The following FNDC3B variants were observed in gnomAD, a reference collection of about 807,000 sequenced individuals.
FNDC3B encodes the protein fibronectin type III domain containing 3B, also known as fibronectin type III domain-containing protein 3B.
In FNDC3B, 12 loss-of-function variants were observed where a neutral mutation model predicts 151.5. The ratio of observed to expected loss-of-function variants is 0.08; its 90% confidence interval spans 0.05 to 0.13. The LOEUF (loss-of-function observed/expected upper bound fraction) is 0.13, where lower values mean the gene tolerates loss of function less well. Among genes scored for constraint, FNDC3B ranks in the 10% least tolerant of loss-of-function variants. The pLI is 1.00. For synonymous variants in FNDC3B, 528 were observed against 549.0 expected (o/e 0.96, Z 0.54); for missense variants, 1,214 against 1,505.3 (o/e 0.81, Z 3.20).
chr3:172,261,234 C>G (rs558689338), intron 6 of FNDC3B, among the ~76,000 whole-genome samples: 2 of 152,264 alleles, frequency 1.3e-5, no homozygotes, highest in African/African-American at 4.8e-5. Flanking sequence ...AGGCTGACTA[C>G]CAGGTATGTC....
At chr3:172,105,384 AT>A (rs1719591683) in intron 1 of FNDC3B, among the ~76,000 whole-genome samples, 1 of 152,178 alleles carries the variant, frequency 6.6e-6, no homozygotes, top group Non-Finnish European at 1.5e-5. Context: ...ATTGGAAGCC[AT>A]TTAGAAACTA....
chr3:172,345,624 A>T (rs1436862478), intron 19 of FNDC3B, among the ~76,000 whole-genome samples: 6 of 151,992 alleles, frequency 3.9e-5, no homozygotes, highest in African/African-American at 1.5e-4. Flanking sequence ...TTTGACAAGG[A>T]CAGTCATATA....
In FNDC3B at chr3:172,096,817, G is replaced by A. The variant is rs188787412; in HGVS notation, c.-28-15635G>A. 1.5e-3 allele frequency among the ~76,000 whole-genome samples: 223 copies of A among 152,092 alleles called. 1 individual carries two copies. The highest frequency in any genetic ancestry group is 5.2e-3 in the African/African-American group (215 of 41,464). ...TTTCTAGAGTGAACATGTATTATACGCTATAACGCATAGGAATGTGGGAAT... is the reference window on the plus strand; with the variant it reads ...TTTCTAGAGTGAACATGTATTATACACTATAACGCATAGGAATGTGGGAAT... On this transcript the variant is annotated intron_variant, in intron 1 of 25. Coordinates refer to ENST00000415807, the MANE Select transcript of FNDC3B (RefSeq NM_022763.4).
intron 3 of FNDC3B, among the ~76,000 whole-genome samples, chr3:172,207,557 C>T (rs1725494272): frequency 6.6e-6 from 1 of 152,056 alleles, no homozygotes; most frequent in South Asian, 2.1e-4. Flanking sequence ...TGAGGTTTAC[C>T]TGGGCTCAGG....
chr3:172,152,677 C>T (rs1340479235), intron 3 of FNDC3B, among the ~76,000 whole-genome samples: 1 of 148,602 alleles, frequency 6.7e-6, no homozygotes, highest in African/African-American at 2.5e-5. Context: ...CAGAGGGGAA[C>T]GTGCTCAACT....
At chr3:172,342,458 G>A (rs987879990) in intron 17 of FNDC3B, among the ~76,000 whole-genome samples, 22 of 152,200 alleles carry the variant, frequency 1.4e-4, no homozygotes, top group Admixed American at 1.0e-3. Flanking sequence ...ATTTTCTCCC[G>A]TCTCAGGAAG....
chr3:172,354,367 A>T (rs1319563459), intron 22 of FNDC3B, among the ~76,000 whole-genome samples: 1 of 151,938 alleles, frequency 6.6e-6, no homozygotes, highest in East Asian at 1.9e-4. Flanking sequence ...ATTTTATATC[A>T]TGAAATCATA....
At chr3:172,210,062 C>A (rs867341278) in intron 3 of FNDC3B, among the ~76,000 whole-genome samples, 1 of 152,198 alleles carries the variant, frequency 6.6e-6, no homozygotes, top group African/African-American at 2.4e-5. Context: ...TCTGAGCCTG[C>A]GGGAGCGCAG....
At chr3:172,057,344 A>C (rs1298883701) in intron 1 of FNDC3B, among the ~76,000 whole-genome samples, 1 of 152,204 alleles carries the variant, frequency 6.6e-6, no homozygotes, top group South Asian at 2.1e-4. Context: ...GGTTAAGTAC[A>C]TGAAGTATTT....
chr3:172,307,235 C>T, intron 9 of FNDC3B, 128 bp from the exon 10 acceptor site: 1 of 934,390 alleles, frequency 1.1e-6, no homozygotes, highest in Non-Finnish European at 1.7e-6. Context: ...CAGATAAGAG[C>T]AAGAGCATGA....
intron 16 of FNDC3B, among the ~76,000 whole-genome samples, chr3:172,340,708 C>T (rs1733263935): frequency 6.6e-6 from 1 of 152,198 alleles, no homozygotes; most frequent in East Asian, 1.9e-4. Context: ...CCACCCCAGA[C>T]TTGCCAGAAG....
chr3:172,137,216 T>C (rs1165317991), intron 3 of FNDC3B, among the ~76,000 whole-genome samples: 1 of 152,204 alleles, frequency 6.6e-6, no homozygotes, highest in Non-Finnish European at 1.5e-5. Context: ...GAAATCACAT[T>C]GTATGAGGTC....
intron 3 of FNDC3B, among the ~76,000 whole-genome samples, chr3:172,156,076 T>TG (rs888600376): frequency 6.6e-6 from 1 of 152,126 alleles, no homozygotes; most frequent in African/African-American, 2.4e-5. Context: ...GCCATGTCAG[T>TG]GGGGGGTGAT....
chr3:172,391,060 A>G (rs1173552436), intron 25 of FNDC3B, among the ~76,000 whole-genome samples: 1 of 152,130 alleles, frequency 6.6e-6, no homozygotes, highest in Non-Finnish European at 1.5e-5. Context: ...AGCTGGGGCA[A>G]TTTCAGTGGT....
intron 1 of FNDC3B, among the ~76,000 whole-genome samples, chr3:172,049,410 G>C (rs41494748): frequency 0.098 from 14,891 of 152,174 alleles, 921 homozygotes; most frequent in East Asian, 0.2. Context: ...TGTTAATATT[G>C]GCAGACCATG....
intron 3 of FNDC3B, among the ~76,000 whole-genome samples, chr3:172,136,523 G>A (rs1232205212): frequency 3.9e-5 from 6 of 152,174 alleles, no homozygotes. Flanking sequence ...CCAGCTCCAG[G>A]ACAATGGGAG....
chr3:172,174,257 A>G (rs1021825494), intron 3 of FNDC3B, among the ~76,000 whole-genome samples: 1 of 152,376 alleles, frequency 6.6e-6, no homozygotes, highest in South Asian at 2.1e-4. Flanking sequence ...TAAATGATTA[A>G]GTTTCCAAAT....
At position 172,333,686 on chromosome 3, in the gene FNDC3B, C is replaced by G. The variant is rs187704430; in HGVS notation, c.1641+511C>G. Among the ~76,000 whole-genome samples the G allele has an allele frequency of 3.1e-3, 470 of 152,110 alleles. 1 individual carries two copies. The highest frequency in any genetic ancestry group is 5.0e-3 in the Non-Finnish European group (337 of 67,994). Reference sequence around the variant, plus strand: ...ACCAACTTGTGAGCACAAAAATTGTCATCATGTGCTGTAATAAATTGCATT... The same window carrying G: ...ACCAACTTGTGAGCACAAAAATTGTGATCATGTGCTGTAATAAATTGCATT... On this transcript the variant is annotated intron_variant, in intron 14 of 25. Coordinates refer to ENST00000415807, the MANE Select transcript of FNDC3B (RefSeq NM_022763.4).
intron 23 of FNDC3B, among the ~76,000 whole-genome samples, chr3:172,365,938 G>A (rs1734602960): frequency 6.6e-6 from 1 of 152,092 alleles, no homozygotes; most frequent in South Asian, 2.1e-4. Flanking sequence ...TAAATAAAGG[G>A]GTTAAACTAG....
Sources: gnomAD v4.1 joint callset for allele counts (sites outside exome capture counted in the v4.1 genomes callset) on GRCh38, gnomAD v4.1.1 for gene constraint, MANE v1.5 for transcripts, NCBI Gene and HGNC (gene_info 2026-07-23, HGNC 2026-07-21) for gene names.